The following DOK6 variants were observed in gnomAD, a reference collection of about 807,000 sequenced individuals.
DOK6 encodes the protein downstream of tyrosine kinase 6.
In DOK6, 22 loss-of-function variants were observed where a neutral mutation model predicts 44.0. The observed-to-expected ratio is 0.50, with a 90% CI of 0.36 to 0.71. The LOEUF (loss-of-function observed/expected upper bound fraction) is 0.71, where lower values mean the gene tolerates loss of function less well. DOK6 is among the 30% of genes least tolerant of loss of function. The pLI is 0.00. For synonymous variants in DOK6, 166 were observed against 145.5 expected (o/e 1.14, Z -1.01); for missense variants, 340 against 416.4 (o/e 0.82, Z 1.60).
At chr18:69,615,340 G>A (rs1020291443) in intron 3 of DOK6, among the ~76,000 whole-genome samples, 6 of 152,126 alleles carry the variant, frequency 3.9e-5, no homozygotes, top group Admixed American at 3.9e-4. Context: ...CCATTACTTT[G>A]GGGATAATGG....
chr18:69,429,941 C>T (rs1006941455), intron 1 of DOK6, among the ~76,000 whole-genome samples: 3 of 151,770 alleles, frequency 2.0e-5, no homozygotes, highest in Non-Finnish European at 4.4e-5. Flanking sequence ...ATAAATTAGC[C>T]GTTTTTATCT....
chr18:69,807,733 T>C (rs1248245488), intron 7 of DOK6, among the ~76,000 whole-genome samples: 1 of 151,784 alleles, frequency 6.6e-6, no homozygotes, highest in East Asian at 1.9e-4. Context: ...TGTAAATTCA[T>C]CAAGAGAATA....
At chr18:69,838,063 A>G (rs952576787) in intron 7 of DOK6, among the ~76,000 whole-genome samples, 3 of 151,856 alleles carry the variant, frequency 2.0e-5, no homozygotes, top group Non-Finnish European at 4.4e-5. Context: ...CGCATGATTG[A>G]CTTTTTACAT....
At chr18:69,770,810 T>G (rs1979865939) in intron 7 of DOK6, among the ~76,000 whole-genome samples, 2 of 152,042 alleles carry the variant, frequency 1.3e-5, no homozygotes, top group South Asian at 4.1e-4. Flanking sequence ...CAGAATCACT[T>G]TTCCTGTTGC....
At chr18:69,612,733 T>TA (rs1952932362) in intron 3 of DOK6, among the ~76,000 whole-genome samples, 1 of 152,248 alleles carries the variant, frequency 6.6e-6, no homozygotes, top group South Asian at 2.1e-4. Context: ...TTGGCTTGCT[T>TA]ACCCCTGTAT....
intron 1 of DOK6, among the ~76,000 whole-genome samples, chr18:69,490,535 G>T (rs1288733099): frequency 1.3e-5 from 2 of 151,950 alleles, no homozygotes; most frequent in Non-Finnish European, 2.9e-5. Context: ...ATTAATATAT[G>T]CCTGTTAGCA....
intron 1 of DOK6, among the ~76,000 whole-genome samples, chr18:69,494,118 T>C (rs1269306338): frequency 1.1e-4 from 16 of 152,250 alleles, no homozygotes; most frequent in Admixed American, 1.0e-3. Flanking sequence ...TTTTTTGTCT[T>C]GCACAATTTT....
intron 1 of DOK6, among the ~76,000 whole-genome samples, chr18:69,512,344 T>C (rs1468801939): frequency 0.036 from 5,068 of 141,956 alleles, 187 homozygotes; most frequent in Non-Finnish European, 0.05. Context: ...TTTTTTTTTT[T>C]TTTTTTTTTT....
chr18:69,740,711 T>G (rs1231322718), intron 6 of DOK6, among the ~76,000 whole-genome samples: 1 of 152,214 alleles, frequency 6.6e-6, no homozygotes, highest in Non-Finnish European at 1.5e-5. Flanking sequence ...ATGTAATAGT[T>G]CTACTCATTT....
intron 1 of DOK6, among the ~76,000 whole-genome samples, chr18:69,541,503 A>G (rs1418049981): frequency 1.3e-5 from 2 of 151,486 alleles, no homozygotes; most frequent in Non-Finnish European, 3.0e-5. Context: ...ATAGGTATGA[A>G]AGTGTTATTA....
intron 3 of DOK6, among the ~76,000 whole-genome samples, chr18:69,672,975 C>A (rs547772144): frequency 3.1e-4 from 47 of 152,118 alleles, no homozygotes; most frequent in Non-Finnish European, 5.9e-4. Context: ...CAAATCATAG[C>A]AAATCTGCAC....
chr18:69,596,675 T>C (rs1239249731), intron 2 of DOK6, among the ~76,000 whole-genome samples: 2 of 152,050 alleles, frequency 1.3e-5, no homozygotes, highest in Non-Finnish European at 2.9e-5. Context: ...TGAGACAGAC[T>C]AAAACTCACA....
chr18:69,584,476 G>T (rs958420163), intron 2 of DOK6, among the ~76,000 whole-genome samples: 14 of 152,162 alleles, frequency 9.2e-5, no homozygotes, highest in Admixed American at 2.0e-4. Context: ...TTTTTCAATA[G>T]TGACGGGTTT....
intron 1 of DOK6, among the ~76,000 whole-genome samples, chr18:69,418,364 T>C: frequency 6.6e-6 from 1 of 152,162 alleles, no homozygotes; most frequent in South Asian, 2.1e-4. Flanking sequence ...TATTATAATA[T>C]CTGATAAATT....
chr18:69,674,969 A>T (rs1985887723), intron 3 of DOK6, among the ~76,000 whole-genome samples: 1 of 152,108 alleles, frequency 6.6e-6, no homozygotes, highest in South Asian at 2.1e-4. Context: ...TCTCTCTTTG[A>T]AATAGTTTAC....
chr18:69,693,992 G>A (rs1270524567), intron 4 of DOK6, among the ~76,000 whole-genome samples: 1 of 146,662 alleles, frequency 6.8e-6, no homozygotes, highest in Admixed American at 7.0e-5. Context: ...CCGGGAGGCG[G>A]AGCTTGCAGC....
chr18:69,761,928 G>T (rs116840035), intron 7 of DOK6, among the ~76,000 whole-genome samples: 50 of 152,268 alleles, frequency 3.3e-4, no homozygotes, highest in African/African-American at 1.2e-3. Context: ...TCAGAAGAAA[G>T]AATTCTACTG....
chr18:69,436,929 CTA>C (rs1282069633), intron 1 of DOK6, among the ~76,000 whole-genome samples: 3 of 152,016 alleles, frequency 2.0e-5, no homozygotes, highest in African/African-American at 7.3e-5. Context: ...AGCTTTTTTT[CTA>C]TGTTTGTTGC....
intron 6 of DOK6, among the ~76,000 whole-genome samples, chr18:69,744,338 TAC>T (rs1334972918): frequency 1.5e-4 from 23 of 151,052 alleles, no homozygotes; most frequent in African/African-American, 5.6e-4. Context: ...TAACTGCAAA[TAC>T]AGTTATTATT....
Sources: allele counts gnomAD v4.1 joint callset (sites outside exome capture counted in the v4.1 genomes callset), GRCh38; gene constraint gnomAD v4.1.1; transcripts MANE v1.5; gene names NCBI Gene and HGNC (gene_info 2026-07-23, HGNC 2026-07-21).